The following ATP2C1 variants were observed in gnomAD, a reference collection of about 807,000 sequenced individuals.
ATP2C1 encodes ATPase secretory pathway Ca2+ transporting 1, also known as calcium-transporting ATPase type 2C member 1.
ATP2C1 carries 31 observed loss-of-function variants against 120.5 expected under a neutral mutation model. The observed-to-expected ratio is 0.26, with a 90% confidence interval of 0.19 to 0.35. ATP2C1 has a LOEUF of 0.35. ATP2C1 is among the 10% of genes least tolerant of loss of function. The pLI, the probability that ATP2C1 is intolerant of heterozygous loss-of-function variation, is 1.00. For synonymous variants in ATP2C1, 351 were observed against 358.7 expected, an observed-to-expected ratio of 0.98 and a Z score of 0.24; for missense variants, 731 against 1,107.5, an observed-to-expected ratio of 0.66 and a Z score of 4.83.
upstream of ATP2C1, among the ~76,000 whole-genome samples, chr3:130,889,638 CTTT>C (rs1170424148): frequency 2.6e-5 from 2 of 77,650 alleles, no homozygotes; most frequent in East Asian, 3.9e-4. Context: ...ATTCTTTAAA[CTTT>C]TTTTTTTTTT....
intron 3 of ATP2C1, 64 bp from the exon 4 acceptor site, chr3:130,931,958 C>CT: frequency 6.6e-6 from 7 of 1,063,068 alleles, no homozygotes; most frequent in South Asian, 5.1e-5. Context: ...ATATTATGTG[C>CT]TTTTTTGTGT....
In ATP2C1 at chr3:130,976,469, T is replaced by C. The variant is rs537694010; in HGVS notation, c.1570+981T>C. ...CATCTCATCTGGGATATGGGCTGTATTGTGACCATCTTAACACTTCATCCC... is the reference window on the plus strand; with the variant it reads ...CATCTCATCTGGGATATGGGCTGTACTGTGACCATCTTAACACTTCATCCC... On this transcript the variant is annotated intron_variant, in intron 18 of 27. Coordinates refer to ENST00000510168, the MANE Select transcript of ATP2C1 (RefSeq NM_001378687.1). 3.3e-5 allele frequency among the ~76,000 whole-genome samples: 5 copies of C among 152,262 alleles called. No homozygotes were observed. The East Asian group carries it at 7.7e-4, about 24-fold the overall frequency.
rs552931466 is a variant in ATP2C1, at chr3:131,002,473, C to G, written c.*1123C>G. 17 of 985,270 alleles carry G rather than the reference C, an allele frequency of 1.7e-5. No individual in the cohort carries two copies. Among genetic ancestry groups the G allele is most frequent in the African/African-American group, 5.2e-5 (3 of 57,218 alleles). The allele number at this position is 985,270 out of a possible 1,614,324, so 61.0% of individuals were successfully genotyped here. A position where few individuals can be genotyped will look rare whatever the true frequency, so the allele number is the denominator to read the frequency against. ...CACAAACCTGAGTATATCTCTTCTA[C>G]TTTCATCATGTGTTCTGTACCTTCT... On this transcript the variant is annotated 3_prime_UTR_variant, in exon 28 of 28. Transcript: ENST00000510168.
At chr3:130,850,618 AC>A (rs1381668865) in exon 1 of ATP2C1, 2 of 393,750 alleles carry the variant, frequency 5.1e-6, no homozygotes, top group Non-Finnish European at 9.1e-6. Flanking sequence ...ACGCTTCTAG[AC>A]AGTGTTCATA....
intron 21 of ATP2C1, among the ~76,000 whole-genome samples, chr3:130,993,564 C>A (rs1476241852): frequency 6.6e-6 from 1 of 152,180 alleles, no homozygotes; most frequent in Non-Finnish European, 1.5e-5. Flanking sequence ...TGTTTAGCAG[C>A]ATTCTTGGCC....
downstream of ATP2C1, among the ~76,000 whole-genome samples, chr3:131,007,783 T>G (rs2063172017): frequency 6.6e-6 from 1 of 152,230 alleles, no homozygotes; most frequent in African/African-American, 2.4e-5. Context: ...GCCTGGACCA[T>G]TGCTCTTATC....
intron 2 of ATP2C1, among the ~76,000 whole-genome samples, chr3:130,920,428 A>G (rs1419036946): frequency 1.3e-5 from 2 of 152,142 alleles, no homozygotes; most frequent in Non-Finnish European, 2.9e-5. Context: ...TCCTGATGCC[A>G]TTCCTTTCCT....
chr3:130,850,846 G>C (rs1436648500), exon 1 of ATP2C1: 2 of 1,451,296 alleles, frequency 1.4e-6, no homozygotes, highest in Admixed American at 4.8e-5. Context: ...CCTCCATCTA[G>C]ATTCTCTTAT....
At chr3:130,987,492 A>G (rs2062076701) in intron 20 of ATP2C1, among the ~76,000 whole-genome samples, 1 of 151,640 alleles carries the variant, frequency 6.6e-6, no homozygotes, top group Admixed American at 6.6e-5. Context: ...CACCATGCCT[A>G]GGTAATTTTG....
chr3:130,860,938 TG>T (rs941887665), intron 1 of ATP2C1, among the ~76,000 whole-genome samples: 1 of 152,188 alleles, frequency 6.6e-6, no homozygotes, highest in Non-Finnish European at 1.5e-5. Context: ...TTATTCAATT[TG>T]GGAGACTTTG....
chr3:131,014,304 G>C, intron 26 of ATP2C1: 1 of 1,613,998 alleles, frequency 6.2e-7, no homozygotes, highest in Non-Finnish European at 8.5e-7. Context: ...CTTAGCCTCA[G>C]GACATATGCT....
Position 130,969,372 on chromosome 3 carries a change from T to C in ATP2C1, c.1389T>C (p.Val463=). ...GCTCTGAGCAAAAGTGGATGGCTGT[T>C]AAGTGTGTACACCGAACACAGCAGG... ...PFSSEQKWMA[V]KCVHRTQQDR... Residue 463 remains valine, a synonymous_variant, in exon 17 of 28, where the codon GTT becomes GTC. Transcript: ENST00000510168. The C allele has an allele frequency of 6.2e-7, 1 of 1,613,774 alleles. No individual in the cohort carries two copies. Among genetic ancestry groups the C allele is most frequent in the Non-Finnish European group, 8.5e-7 (1 of 1,179,728 alleles).
At position 130,996,058 on chromosome 3, in the gene ATP2C1, G is replaced by A. The variant is rs766828620; in HGVS notation, c.2073G>A (p.Glu691=). 29 of 1,604,820 alleles carry A rather than the reference G, an allele frequency of 1.8e-5. No individual in the cohort carries two copies. The East Asian group carries it at 6.3e-4, about 35-fold the overall frequency. The part of the protein sequence containing the change: ...DFQTIMSAIE[E]GKGIYNNIKN... Reference sequence around the variant, plus strand: ...TAAATTTCAGGTCTGCAATCGAAGAGGGTAAAGGGATTTATAATAACATTA... The same window carrying A: ...TAAATTTCAGGTCTGCAATCGAAGAAGGTAAAGGGATTTATAATAACATTA... The change falls in exon 23 of 28, where the codon GAG becomes GAA. Residue 691 remains glutamate, a synonymous_variant. Coordinates refer to ENST00000510168, the MANE Select transcript of ATP2C1 (RefSeq NM_001378687.1).
At chr3:130,878,776 T>TA (rs1265258917) in intron 1 of ATP2C1, among the ~76,000 whole-genome samples, 15 of 152,198 alleles carry the variant, frequency 9.9e-5, no homozygotes, top group African/African-American at 3.6e-4. Flanking sequence ...TTCCTTTAGA[T>TA]ATGACTTGAT....
intron 3 of ATP2C1, among the ~76,000 whole-genome samples, chr3:130,931,208 G>T (rs1345360740): frequency 4.0e-5 from 6 of 151,854 alleles, no homozygotes; most frequent in Non-Finnish European, 8.8e-5. Context: ...GTTTTGAAAG[G>T]CTCCTTTATT....
intron 12 of ATP2C1, chr3:130,963,589 G>T: frequency 4.4e-6 from 1 of 227,658 alleles, no homozygotes. Context: ...TTTGGCTATC[G>T]TGAATAGTGT....
intron 5 of ATP2C1, among the ~76,000 whole-genome samples, chr3:130,936,846 A>G (rs1170706069): frequency 6.7e-6 from 1 of 149,672 alleles, no homozygotes; most frequent in African/African-American, 2.4e-5. Flanking sequence ...ACTCCTCCCT[A>G]AAAAAAATAA....
chr3:130,970,778 T>C (rs879590176), intron 17 of ATP2C1, among the ~76,000 whole-genome samples: 5 of 152,168 alleles, frequency 3.3e-5, no homozygotes, highest in Non-Finnish European at 5.9e-5. Flanking sequence ...GATTTTTGCA[T>C]GTGATACCTA....
intron 2 of ATP2C1, among the ~76,000 whole-genome samples, chr3:130,901,272 A>G (rs1487160531): frequency 6.6e-6 from 1 of 152,056 alleles, no homozygotes; most frequent in Non-Finnish European, 1.5e-5. Context: ...CCAGAGAAAG[A>G]TGTGGTCATT....
Sources: gnomAD v4.1 joint callset for allele counts (sites outside exome capture counted in the v4.1 genomes callset) on GRCh38, gnomAD v4.1.1 for gene constraint, MANE v1.5 for transcripts, NCBI Gene and HGNC (gene_info 2026-07-23, HGNC 2026-07-21) for gene names.